The following ENOX1 variants were observed in gnomAD, a reference collection of about 807,000 sequenced individuals.
The protein encoded by ENOX1 is ecto-NOX disulfide-thiol exchanger 1.
In ENOX1, 42 loss-of-function variants were observed where a neutral mutation model predicts 82.5. That is an observed-to-expected ratio of 0.51 (90% CI 0.40 to 0.66). ENOX1 has a LOEUF of 0.66. ENOX1 is among the 30% of genes least tolerant of loss of function. ENOX1 has a pLI of 0.00. For missense variants in ENOX1, 608 were observed against 811.6 expected (o/e 0.75, Z 3.05); for synonymous variants, 271 against 282.2 (o/e 0.96, Z 0.40).
At chr13:43,516,672 C>T (rs75266150) in intron 2 of ENOX1, among the ~76,000 whole-genome samples, 18 of 152,102 alleles carry the variant, frequency 1.2e-4, no homozygotes, top group Non-Finnish European at 2.4e-4. Flanking sequence ...TTCTGGAAAA[C>T]TCTAGTTGGT....
At chr13:43,380,911 A>G (rs2051996370) in intron 5 of ENOX1, among the ~76,000 whole-genome samples, 1 of 151,846 alleles carries the variant, frequency 6.6e-6, no homozygotes, top group African/African-American at 2.4e-5. Flanking sequence ...TATATGAAAT[A>G]AAAACTAATA....
chr13:43,722,142 C>A (rs2088622958), intron 1 of ENOX1, among the ~76,000 whole-genome samples: 1 of 152,018 alleles, frequency 6.6e-6, no homozygotes, highest in Non-Finnish European at 1.5e-5. Context: ...TTCTTTTTTG[C>A]AAAATAGGGA....
At chr13:43,654,021 T>C (rs530621728) in intron 2 of ENOX1, among the ~76,000 whole-genome samples, 3 of 152,290 alleles carry the variant, frequency 2.0e-5, no homozygotes, top group South Asian at 2.1e-4. Flanking sequence ...GATGGCAAAA[T>C]CATCTGAGTC....
At chr13:43,459,444 A>G (rs1345285691) in intron 3 of ENOX1, 1 of 152,244 alleles carries the variant, frequency 6.6e-6, no homozygotes, top group Non-Finnish European at 1.5e-5. Context: ...TGATGAAAAA[A>G]TGTTAATGCT....
chr13:43,600,870 G>C (rs1603303), intron 2 of ENOX1, among the ~76,000 whole-genome samples: 65,052 of 151,956 alleles, frequency 0.43, 16,469 homozygotes, highest in East Asian at 0.79. Context: ...GGGAAGAGAA[G>C]AAGAGTCTCT....
chr13:43,533,205 C>A (rs964227033), intron 2 of ENOX1, among the ~76,000 whole-genome samples: 199 of 152,188 alleles, frequency 1.3e-3, no homozygotes, highest in African/African-American at 4.7e-3. Context: ...AGCCACAGTT[C>A]ATGGTCATCA....
chr13:43,470,342 GTA>G (rs56828107), intron 3 of ENOX1, among the ~76,000 whole-genome samples: 13,918 of 42,466 alleles, frequency 0.33, 3,019 homozygotes, highest in East Asian at 0.5. Context: ...ATATATATAC[GTA>G]TATATATATG....
chr13:43,315,881 C>T (rs1398423895), intron 11 of ENOX1, among the ~76,000 whole-genome samples: 1 of 152,132 alleles, frequency 6.6e-6, no homozygotes, highest in Non-Finnish European at 1.5e-5. Flanking sequence ...ATGAAATGCC[C>T]AGAACACATA....
At chr13:43,268,633 C>T (rs560801371) in intron 13 of ENOX1, among the ~76,000 whole-genome samples, 84 of 151,994 alleles carry the variant, frequency 5.5e-4, no homozygotes, top group African/African-American at 1.9e-3. Context: ...CAAATGTCAC[C>T]TTTGAAGTTA....
At chr13:43,658,576 T>C (rs1358736012) in intron 2 of ENOX1, among the ~76,000 whole-genome samples, 7 of 152,218 alleles carry the variant, frequency 4.6e-5, no homozygotes. Context: ...TAGTTTCCTA[T>C]GTACTTATCA....
At chr13:43,420,340 G>A (rs1445030432) in intron 3 of ENOX1, among the ~76,000 whole-genome samples, 1 of 152,154 alleles carries the variant, frequency 6.6e-6, no homozygotes, top group Non-Finnish European at 1.5e-5. Flanking sequence ...TTCCCACTGA[G>A]GAACAACTAA....
Position 43,359,866 on chromosome 13 carries a change from C to T in ENOX1, c.574G>A (p.Ala192Thr). The change falls in exon 7 of 17, where the codon GCC (alanine) becomes ACC (threonine). Residue 192 changes from alanine (A) to threonine (T), a missense_variant. By Grantham distance (58) the Ala-to-Thr change is moderately conservative. Coordinates refer to ENST00000690772, the MANE Select transcript of ENOX1 (RefSeq NM_001347969.2). ...TGCAAAGTACCAGAAAGGTAAATGG[C>T]TTTATCAACCATGAATTCCTCTGCA... ...RFAEEFMVDK[A>T]IYLSGYRMRL... 6.2e-7 allele frequency: 1 copy of T among 1,614,134 alleles called. No homozygotes were observed. Among genetic ancestry groups the T allele is most frequent in the Non-Finnish European group, 8.5e-7 (1 of 1,179,994 alleles).
At chr13:43,730,080 C>T (rs1462208520) in intron 1 of ENOX1, among the ~76,000 whole-genome samples, 1 of 152,226 alleles carries the variant, frequency 6.6e-6, no homozygotes, top group Non-Finnish European at 1.5e-5. Context: ...CTCTCAGGGG[C>T]ATTCCCTCTC....
intron 1 of ENOX1, among the ~76,000 whole-genome samples, chr13:43,718,028 T>G (rs1356176452): frequency 6.6e-6 from 1 of 152,246 alleles, no homozygotes; most frequent in Non-Finnish European, 1.5e-5. Flanking sequence ...AACTCACTAC[T>G]GGGTATATAC....
intron 5 of ENOX1, among the ~76,000 whole-genome samples, chr13:43,398,939 G>A (rs2053324428): frequency 6.6e-6 from 1 of 151,290 alleles, no homozygotes; most frequent in Admixed American, 6.6e-5. Context: ...GGGACTACAG[G>A]TGCATGCCAC....
intron 14 of ENOX1, among the ~76,000 whole-genome samples, chr13:43,251,040 G>A (rs1025674907): frequency 1.3e-5 from 2 of 152,200 alleles, no homozygotes; most frequent in Non-Finnish European, 2.9e-5. Flanking sequence ...GAAAACTCTA[G>A]GGTAGGGCCC....
chr13:43,581,625 C>T (rs916883577), intron 2 of ENOX1, among the ~76,000 whole-genome samples: 3 of 152,104 alleles, frequency 2.0e-5, no homozygotes, highest in Non-Finnish European at 2.9e-5. Flanking sequence ...CAAACATCAG[C>T]GGTTATTGAT....
At chr13:43,775,539 T>G (rs1297430198) in intron 1 of ENOX1, among the ~76,000 whole-genome samples, 1 of 152,224 alleles carries the variant, frequency 6.6e-6, no homozygotes, top group Admixed American at 6.5e-5. Context: ...GCATGGCTAC[T>G]AATTTTAAGA....
At chr13:43,729,819 C>A (rs1170337660) in intron 1 of ENOX1, among the ~76,000 whole-genome samples, 1 of 152,218 alleles carries the variant, frequency 6.6e-6, no homozygotes, top group African/African-American at 2.4e-5. Context: ...TAAGCTAAAG[C>A]TGGGTGTGTA....
Sources: allele counts gnomAD v4.1 joint callset (sites outside exome capture counted in the v4.1 genomes callset), GRCh38; gene constraint gnomAD v4.1.1; transcripts MANE v1.5; gene names NCBI Gene and HGNC (gene_info 2026-07-23, HGNC 2026-07-21).